Variants in MCF2L observed in about 807,000 individuals in gnomAD.
MCF2L encodes the protein guanine nucleotide exchange factor DBS.
Under a neutral mutation model 153.4 loss-of-function variants are expected in MCF2L, and 97 were observed. That is an observed-to-expected ratio of 0.63 (90% CI 0.54 to 0.75). MCF2L has a LOEUF of 0.75. MCF2L is among the 30% of genes least tolerant of loss of function. The pLI is 0.00. For missense variants in MCF2L, 1,347 were observed against 1,495.2 expected (o/e 0.90, Z 1.64); for synonymous variants, 659 against 632.2 (o/e 1.04, Z -0.64).
chr13:112,938,280 G>A (rs61961648), intron 2 of MCF2L, among the ~76,000 whole-genome samples: 2 of 144,140 alleles, frequency 1.4e-5, no homozygotes, highest in Non-Finnish European at 3.0e-5. Flanking sequence ...TCAGGTGAGC[G>A]CTGATGGGTT....
rs1410195279 is a variant in MCF2L at position 112,898,235 on chromosome 13, G to A, written c.-5+3804G>A. On this transcript the variant is annotated intron_variant, in intron 1 of 29. Coordinates refer to the MCF2L transcript ENST00000375608. The stretch of plus-strand genomic sequence containing the variant: ...TGACCGCCAGCTCACTGCTTCCCCC[G>A]CATGTGTGGCCGACGTAAAGTCCAC... 5.3e-5 allele frequency among the ~76,000 whole-genome samples: 8 copies of A among 152,162 alleles called. No individual in the cohort carries two copies. In the South Asian group the frequency reaches 1.4e-3, roughly 28 times the overall value.
rs549741892 is a variant in MCF2L, at chr13:113,031,710, C to T, written c.278+6952C>T. ...AGGAATTCACTGAAGCTGATGATGACGCTTACTTTCCATGGGCCTGGCTCA... is the reference window on the plus strand; with the variant it reads ...AGGAATTCACTGAAGCTGATGATGATGCTTACTTTCCATGGGCCTGGCTCA... On this transcript the variant is annotated intron_variant, in intron 3 of 29. Transcript: ENST00000535094. The surrounding 1 kb of genome is among the most constrained non-coding windows in gnomAD (Gnocchi z 5.5). Among the ~76,000 whole-genome samples the T allele has an allele frequency of 3.3e-5, 5 of 152,106 alleles. No individual in the cohort carries two copies. In the South Asian group the frequency reaches 6.3e-4, roughly 19 times the overall value.
chr13:112,895,686 G>A (rs1277205898), intron 1 of MCF2L, among the ~76,000 whole-genome samples: 1 of 152,152 alleles, frequency 6.6e-6, no homozygotes, highest in African/African-American at 2.4e-5. Context: ...GGGGCAGTGA[G>A]GACTCTGGGG....
intron 15 of MCF2L, among the ~76,000 whole-genome samples, chr13:113,080,986 CG>C (rs2034078286): frequency 6.6e-6 from 1 of 152,208 alleles, no homozygotes; most frequent in African/African-American, 2.4e-5. Flanking sequence ...AAGACACTGC[CG>C]GCCAGTCTGG....
rs2081471093 is a variant in MCF2L at position 112,932,201 on chromosome 13, A to C, written c.169+29830A>C. Among the ~76,000 whole-genome samples the C allele has an allele frequency of 6.6e-6, 1 of 152,160 alleles. No homozygotes were observed. The highest frequency in any genetic ancestry group is 1.5e-5 in the Non-Finnish European group (1 of 68,036). Reference sequence around the variant, plus strand: ...ATCGAGGTCAGCACCGATGGCGACCAGGCGTGTAGACTCGTGCCCTGGGTA... The same window carrying C: ...ATCGAGGTCAGCACCGATGGCGACCCGGCGTGTAGACTCGTGCCCTGGGTA... On this transcript the variant is annotated intron_variant, in intron 2 of 29. Coordinates refer to the MCF2L transcript ENST00000375608. The surrounding 1 kb of genome is among the most constrained non-coding windows in gnomAD (Gnocchi z 4.6).
chr13:112,894,459 G>A (rs1174907038), intron 1 of MCF2L: 1 of 151,540 alleles, frequency 6.6e-6, no homozygotes, highest in African/African-American at 2.4e-5. Flanking sequence ...GCCTGGAGGG[G>A]GCGCGGGGGT....
At chr13:112,916,059 T>A (rs1006846117) in intron 2 of MCF2L, among the ~76,000 whole-genome samples, 11 of 134,380 alleles carry the variant, frequency 8.2e-5, no homozygotes, top group African/African-American at 3.1e-4. Context: ...AAAAAAAAAA[T>A]TAGCCGGGCA....
intron 2 of MCF2L, among the ~76,000 whole-genome samples, chr13:112,905,577 C>A (rs1471154067): frequency 1.5e-4 from 23 of 152,100 alleles, no homozygotes; most frequent in Admixed American, 1.5e-3. Flanking sequence ...TATCCAACAC[C>A]CCTGCCCCCA....
intron 1 of MCF2L, among the ~76,000 whole-genome samples, chr13:112,995,049 A>G (rs757998979): frequency 3.9e-5 from 6 of 152,122 alleles, no homozygotes; most frequent in Admixed American, 6.5e-5. Flanking sequence ...CTTTCTGCAC[A>G]CGGTGTCGCA....
intron 1 of MCF2L, among the ~76,000 whole-genome samples, chr13:113,003,212 TGG>T (rs1566717363): frequency 6.9e-4 from 103 of 150,196 alleles, no homozygotes; most frequent in Non-Finnish European, 6.2e-4. Context: ...TGTGGAGCAC[TGG>T]GGAAGGCTCC....
intron 1 of MCF2L, among the ~76,000 whole-genome samples, chr13:113,003,336 G>C (rs2083489795): frequency 6.6e-6 from 1 of 150,986 alleles, no homozygotes; most frequent in South Asian, 2.1e-4. Context: ...GGGGTTGGCT[G>C]TGGAGTACCG....
chr13:112,897,742 C>A lies in MCF2L; in HGVS notation c.-5+3311C>A, dbSNP rs1162111160. 2.0e-5 allele frequency among the ~76,000 whole-genome samples: 3 copies of A among 152,218 alleles called. 1 individual carries two copies. The highest frequency in any genetic ancestry group is 4.4e-5 in the Non-Finnish European group (3 of 68,044). On this transcript the variant is annotated intron_variant, in intron 1 of 29. Transcript: ENST00000375608. Reference sequence around the variant, plus strand: ...CATTAAAGAAATGGCAGAAAGAAAGCAGAACTGACTCCTGTGGGGACAGGC... The same window carrying A: ...CATTAAAGAAATGGCAGAAAGAAAGAAGAACTGACTCCTGTGGGGACAGGC...
At chr13:112,985,350 AGC>A in intron 1 of MCF2L, 1 of 468,156 alleles carries the variant, frequency 2.1e-6, no homozygotes, top group Non-Finnish European at 4.4e-6. Context: ...AGCCCAGGGC[AGC>A]GCGCGTCCTC....
chr13:113,081,323 CT>C, intron 16 of MCF2L, 44 bp downstream of exon 16: 1 of 1,530,214 alleles, frequency 6.5e-7, no homozygotes, highest in Non-Finnish European at 8.8e-7. Context: ...GGGGACTCCC[CT>C]GGGCCAGCTG....
intron 25 of MCF2L, among the ~76,000 whole-genome samples, chr13:113,089,022 C>T (rs2034921402): frequency 1.3e-5 from 2 of 152,210 alleles, no homozygotes; most frequent in Admixed American, 6.5e-5. Flanking sequence ...CTCTTCTGCC[C>T]TTGTTTTTTC....
rs200835928 is a variant in MCF2L, at chr13:113,082,378, C to G, written c.1876-49C>G. 1.5e-4 allele frequency: 175 copies of G among 1,132,546 alleles called. 1 individual carries two copies. The highest frequency in any genetic ancestry group is 2.4e-4 in the Admixed American group (14 of 58,906). The allele number at this position is 1,132,546 out of a possible 1,614,324, so 70.2% of individuals were successfully genotyped here. On this transcript the variant is annotated intron_variant, in intron 16 of 29. Transcript: ENST00000535094. ...GGCATCCCTGGCCCACCTGCCCCCC[C>G]ACAGCATCAGGCCCAGGACCCCCGC...
At position 112,904,787 on chromosome 13, in the gene MCF2L, GCAC is replaced by G. The variant is rs374327929; in HGVS notation, c.169+2420_169+2422del. On this transcript the variant is annotated intron_variant, in intron 2 of 29. Transcript: ENST00000375608. This position sits in a 1 kb window ranked among gnomAD's most constrained non-coding sequence, Gnocchi z 4.2. ...CGCACTCGGCTCTCAGGCCCTGCCT[GCAC>G]CACACCTGCTCCGTCTCCAGGTGAC... Among the ~76,000 whole-genome samples, 6 of 152,372 alleles carry G rather than the reference GCAC, an allele frequency of 3.9e-5. No individual in the cohort carries two copies. In the East Asian group the frequency reaches 9.6e-4, roughly 25 times the overall value.
At chr13:112,967,215 T>G (rs2081905235), upstream of MCF2L, among the ~76,000 whole-genome samples, 1 of 151,910 alleles carries the variant, frequency 6.6e-6, no homozygotes, top group Non-Finnish European at 1.5e-5. Context: ...GTGGTGAAGG[T>G]TCCCTGAACT....
chr13:113,055,902 G>C (rs1566812425), intron 4 of MCF2L, among the ~76,000 whole-genome samples: 1 of 152,214 alleles, frequency 6.6e-6, no homozygotes, highest in Non-Finnish European at 1.5e-5. Context: ...CCTGGGGGCC[G>C]AGGCTGGAGA....
Sources: gnomAD v4.1 joint callset for allele counts (sites outside exome capture counted in the v4.1 genomes callset) on GRCh38, gnomAD v4.1.1 for gene constraint, Gnocchi (gnomAD v3.1) non-coding constraint, MANE v1.5 for transcripts, NCBI Gene and HGNC (gene_info 2026-07-23, HGNC 2026-07-21) for gene names.